Variants in MATN2 observed in about 807,000 individuals in gnomAD.
MATN2 encodes the protein matrilin 2, also known as matrilin-2.
In MATN2, 69 loss-of-function variants were observed where a neutral mutation model predicts 103.2. The observed-to-expected ratio is 0.67, with a 90% CI of 0.55 to 0.82. The LOEUF (loss-of-function observed/expected upper bound fraction) is 0.82. Among genes scored for constraint, MATN2 ranks in the 40% least tolerant of loss-of-function variants. MATN2 has a pLI of 0.00. For missense variants in MATN2, 1,023 were observed against 1,211.5 expected (o/e 0.84, Z 2.31); for synonymous variants, 429 against 450.2 (o/e 0.95, Z 0.60).
intron 4 of MATN2, among the ~76,000 whole-genome samples, chr8:97,948,013 C>T (rs990472168): frequency 2.0e-5 from 3 of 152,092 alleles, no homozygotes; most frequent in Non-Finnish European, 4.4e-5. Context: ...AATTCATTAA[C>T]ATTGAAAGCT....
intron 1 of MATN2, among the ~76,000 whole-genome samples, chr8:97,882,686 G>A (rs1033864992): frequency 4.6e-5 from 7 of 152,054 alleles, no homozygotes; most frequent in South Asian, 2.1e-4. Context: ...ATGCACCACC[G>A]TGCCGAGCCA....
chr8:97,989,715 A>G (rs1812328583), intron 6 of MATN2, among the ~76,000 whole-genome samples: 1 of 152,176 alleles, frequency 6.6e-6, no homozygotes, highest in South Asian at 2.1e-4. Flanking sequence ...CACCATCTTT[A>G]TTAACAGATA....
intron 1 of MATN2, among the ~76,000 whole-genome samples, chr8:97,871,039 C>A (rs1817879331): frequency 6.6e-6 from 1 of 152,208 alleles, no homozygotes; most frequent in East Asian, 1.9e-4. Context: ...CCCAGGGCCA[C>A]CAAGGCCTAA....
At chr8:98,031,432 GTAT>G (rs974195561) in intron 15 of MATN2, 1 of 152,042 alleles carries the variant, frequency 6.6e-6, no homozygotes, top group African/African-American at 2.4e-5. Flanking sequence ...GTGCCAAGCA[GTAT>G]AATAAGTGTT....
At chr8:97,878,393 C>G (rs1818147880) in intron 1 of MATN2, among the ~76,000 whole-genome samples, 1 of 151,958 alleles carries the variant, frequency 6.6e-6, no homozygotes, top group African/African-American at 2.4e-5. Flanking sequence ...AAAACCCCAT[C>G]TCTACAAAAA....
chr8:97,961,621 G>A (rs560140632), intron 5 of MATN2, 91 bp downstream of exon 5: 2 of 1,362,194 alleles, frequency 1.5e-6, no homozygotes, highest in East Asian at 5.5e-5. Context: ...CCACATATTT[G>A]TTTCCTCACC....
intron 6 of MATN2, among the ~76,000 whole-genome samples, chr8:97,984,854 A>G (rs773475135): frequency 1.4e-4 from 21 of 152,212 alleles, no homozygotes; most frequent in Non-Finnish European, 1.6e-4. Context: ...CCTACATTCT[A>G]TTGGAGCAGG....
Position 97,870,514 on chromosome 8 carries a change from G to A in MATN2, c.-27+1227G>A, listed in dbSNP as rs145077077. On this transcript the variant is annotated intron_variant, in intron 1 of 18. Transcript: ENST00000254898. ...GCCTGGGCAACAAGAGCTAAACTCC[G>A]TCTCAAAAGAAAAAAAAAAAGATAT... Among the ~76,000 whole-genome samples the A allele has an allele frequency of 7.2e-3, 999 of 138,634 alleles. 11 individuals carry two copies. The highest frequency in any genetic ancestry group is 0.024 in the African/African-American group (963 of 40,542). The allele number at this position is 138,634 out of a possible 152,430, so 90.9% of individuals were successfully genotyped here. A position where few individuals can be genotyped will look rare whatever the true frequency, so the allele number is the denominator to read the frequency against.
intron 2 of MATN2, among the ~76,000 whole-genome samples, chr8:97,911,650 T>C (rs1245807510): frequency 3.3e-5 from 5 of 151,006 alleles, no homozygotes; most frequent in Non-Finnish European, 5.9e-5. Context: ...GAGGTTGTAG[T>C]GAGCCGAGAT....
At chr8:97,874,005 T>C (rs1817984282) in intron 1 of MATN2, among the ~76,000 whole-genome samples, 1 of 152,142 alleles carries the variant, frequency 6.6e-6, no homozygotes, top group Admixed American at 6.5e-5. Context: ...TAGCTGCTTC[T>C]CCTCTTCCAT....
Position 98,027,727 on chromosome 8 carries a change from G to A in MATN2, c.2254G>A (p.Ala752Thr). ...FERSFTQGEG[A>T]RPLSTRVPRA... is the part of the protein sequence containing the mutation. ...GAGAAGTTTTACCCAAGGAGAAGGGGCCAGGCCCCTTTCCACAAGGGTGCC... is the reference window on the plus strand; with the variant it reads ...GAGAAGTTTTACCCAAGGAGAAGGGACCAGGCCCCTTTCCACAAGGGTGCC... The change falls in exon 14 of 19, where the codon GCC becomes ACC. Residue 752 changes from alanine (A) to threonine (T), a missense_variant. Transcript: ENST00000254898. The A allele has an allele frequency of 6.2e-7, 1 of 1,613,924 alleles. No individual in the cohort carries two copies. The highest frequency in any genetic ancestry group is 8.5e-7 in the Non-Finnish European group (1 of 1,179,878).
At chr8:97,896,392 G>A (rs930265641) in intron 2 of MATN2, among the ~76,000 whole-genome samples, 2 of 152,178 alleles carry the variant, frequency 1.3e-5, no homozygotes, top group African/African-American at 2.4e-5. Context: ...CCCTCACTGT[G>A]TCCAGGTAGG....
At chr8:97,917,754 A>G (rs758223318) in intron 2 of MATN2, among the ~76,000 whole-genome samples, 6 of 152,134 alleles carry the variant, frequency 3.9e-5, no homozygotes, top group Admixed American at 6.6e-5. Flanking sequence ...TGTATTCTCT[A>G]TATATCTTTA....
chr8:97,924,493 G>A (rs747698151), intron 2 of MATN2, among the ~76,000 whole-genome samples: 15 of 152,088 alleles, frequency 9.9e-5, no homozygotes, highest in Non-Finnish European at 1.5e-5. Context: ...CTGGGTATTT[G>A]ACTACTGTCC....
At chr8:97,981,424 ATGAG>A (rs1012272840) in intron 6 of MATN2, among the ~76,000 whole-genome samples, 12 of 141,094 alleles carry the variant, frequency 8.5e-5, no homozygotes, top group African/African-American at 3.2e-4. Flanking sequence ...CTCTAAAAAA[ATGAG>A]TATTTAACTG....
At chr8:97,951,014 G>A (rs2244554) in intron 4 of MATN2, 84,653 of 152,112 alleles carry the variant, frequency 0.56, 24,125 homozygotes, top group East Asian at 0.72. Context: ...CAGTCAGAGG[G>A]TGGGTCAAAG....
chr8:97,907,312 CTTT>C (rs10557023), intron 2 of MATN2, among the ~76,000 whole-genome samples: 111 of 117,716 alleles, frequency 9.4e-4, no homozygotes, highest in African/African-American at 1.7e-3. Context: ...TCATAGCTCA[CTTT>C]TTTTTTTTTT....
intron 8 of MATN2, chr8:98,004,286 CAAAA>C (rs60031012): frequency 4.8e-4 from 67 of 138,562 alleles, no homozygotes; most frequent in South Asian, 2.8e-3. Context: ...AACTTCATCT[CAAAA>C]AAAAAAAAAA....
At chr8:97,920,198 T>TTATG (rs886652600) in intron 2 of MATN2, among the ~76,000 whole-genome samples, 5 of 152,154 alleles carry the variant, frequency 3.3e-5, no homozygotes, top group South Asian at 2.1e-4. Context: ...TACTGGGAGT[T>TTATG]TATGTATGTA....
Sources: allele counts gnomAD v4.1 joint callset (sites outside exome capture counted in the v4.1 genomes callset), GRCh38; gene constraint gnomAD v4.1.1; transcripts MANE v1.5; gene names NCBI Gene and HGNC (gene_info 2026-07-23, HGNC 2026-07-21).